PABPC4L: variants seen among roughly 807,000 people sequenced by gnomAD.
The protein encoded by PABPC4L is poly(A) binding protein cytoplasmic 4 like.
For synonymous variants in PABPC4L, 169 were observed against 164.1 expected, an observed-to-expected ratio of 1.03 and a Z score of -0.23; for missense variants, 452 against 451.4, an observed-to-expected ratio of 1.00 and a Z score of -0.01.
the PABPC4L span, among the ~76,000 whole-genome samples, chr4:134,162,467 C>T: frequency 2.6e-5 from 4 of 151,920 alleles, no homozygotes; most frequent in South Asian, 2.1e-4. Context: ...CAAGGTGGAA[C>T]GTCAACAAAG....
At chr4:134,124,372 C>G in the PABPC4L span, among the ~76,000 whole-genome samples, 1 of 152,022 alleles carries the variant, frequency 6.6e-6, no homozygotes, top group Non-Finnish European at 1.5e-5. Flanking sequence ...ACCCACCACC[C>G]TCACTTACCA....
At chr4:134,018,535 C>T in the PABPC4L span, among the ~76,000 whole-genome samples, 1 of 152,102 alleles carries the variant, frequency 6.6e-6, no homozygotes, top group African/African-American at 2.4e-5. Context: ...AAGGAGTCTC[C>T]CATGTCTGTT....
At chr4:133,989,574 A>G in the PABPC4L span, among the ~76,000 whole-genome samples, 3 of 152,150 alleles carry the variant, frequency 2.0e-5, no homozygotes, top group African/African-American at 7.2e-5. Context: ...AGAAAGTTCC[A>G]AACTGCCTCA....
the PABPC4L span, among the ~76,000 whole-genome samples, chr4:134,030,109 C>T: frequency 1.3e-5 from 2 of 151,958 alleles, no homozygotes; most frequent in Non-Finnish European, 2.9e-5. Flanking sequence ...ACTTCCTTTC[C>T]TTATAAATTC....
At chr4:134,192,938 C>CA (rs1421930712), downstream of PABPC4L, among the ~76,000 whole-genome samples, 1 of 151,834 alleles carries the variant, frequency 6.6e-6, no homozygotes, top group Admixed American at 6.6e-5. Context: ...GTGGTAGTTA[C>CA]AAAAAATACA....
chr4:134,107,646 C>T, the PABPC4L span, among the ~76,000 whole-genome samples: 1 of 151,476 alleles, frequency 6.6e-6, no homozygotes, highest in Non-Finnish European at 1.5e-5. Flanking sequence ...TATCTAACTT[C>T]TGGTATGTAG....
the PABPC4L span, among the ~76,000 whole-genome samples, chr4:134,114,001 T>C: frequency 6.6e-6 from 1 of 151,908 alleles, no homozygotes; most frequent in Non-Finnish European, 1.5e-5. Flanking sequence ...TGATAAATTT[T>C]AAATTCAGCG....
the PABPC4L span, among the ~76,000 whole-genome samples, chr4:133,976,440 G>A: frequency 6.6e-6 from 1 of 151,982 alleles, no homozygotes. Context: ...CTTTATAATA[G>A]AATGACCATA....
chr4:134,101,750 G>A, the PABPC4L span, among the ~76,000 whole-genome samples: 1 of 151,356 alleles, frequency 6.6e-6, no homozygotes, highest in Non-Finnish European at 1.5e-5. Flanking sequence ...CTACAATAGT[G>A]TTATTTATTC....
At chr4:134,087,710 C>T in the PABPC4L span, among the ~76,000 whole-genome samples, 1 of 152,136 alleles carries the variant, frequency 6.6e-6, no homozygotes, top group Non-Finnish European at 1.5e-5. Flanking sequence ...TTCTTGGTTA[C>T]CTCTACAGAG....
At chr4:133,950,413 G>A in the PABPC4L span, among the ~76,000 whole-genome samples, 1 of 152,078 alleles carries the variant, frequency 6.6e-6, no homozygotes, top group Admixed American at 6.6e-5. Context: ...CTACTGTTTT[G>A]TTTATTCTTT....
In PABPC4L at chr4:134,201,173, C is replaced by G. The variant is rs1317049242; in HGVS notation, c.-154G>C. The G allele has an allele frequency of 6.5e-7, 1 of 1,548,546 alleles. No homozygotes were observed. The highest frequency in any genetic ancestry group is 2.5e-5 in the East Asian group (1 of 40,796). On this transcript the variant is annotated 5_prime_UTR_variant, in exon 2 of 2. Coordinates refer to ENST00000421491, the MANE Select transcript of PABPC4L (RefSeq NM_001114734.2). ...CAATGGAGTTCAGACACGACTCCCC[C>G]AGCTCAGGCAACACCCTCATCCAAA...
At chr4:134,177,054 A>G in the PABPC4L span, among the ~76,000 whole-genome samples, 1 of 152,078 alleles carries the variant, frequency 6.6e-6, no homozygotes, top group East Asian at 1.9e-4. Flanking sequence ...GCTTGGTGGC[A>G]GCTTCCAGCC....
At chr4:134,190,418 T>TG in the PABPC4L span, among the ~76,000 whole-genome samples, 1 of 152,060 alleles carries the variant, frequency 6.6e-6, no homozygotes, top group Non-Finnish European at 1.5e-5. Context: ...TTGTGTGGTT[T>TG]GGGGCTTTCT....
the PABPC4L span, among the ~76,000 whole-genome samples, chr4:133,996,232 G>A: frequency 1.9e-3 from 283 of 152,182 alleles, 1 homozygote; most frequent in Middle Eastern, 6.8e-3. Context: ...TCTGTGTAGA[G>A]TGGGACCAAA....
the PABPC4L span, among the ~76,000 whole-genome samples, chr4:134,075,738 T>C: frequency 6.6e-6 from 1 of 152,136 alleles, no homozygotes; most frequent in Non-Finnish European, 1.5e-5. Flanking sequence ...TTCTTATCTA[T>C]TGATTAAACA....
chr4:134,097,789 C>T, the PABPC4L span, among the ~76,000 whole-genome samples: 2 of 151,848 alleles, frequency 1.3e-5, no homozygotes, highest in Non-Finnish European at 2.9e-5. Context: ...GTGAATACTT[C>T]TGTTTTATTT....
chr4:133,979,292 T>C, the PABPC4L span, among the ~76,000 whole-genome samples: 1 of 152,176 alleles, frequency 6.6e-6, no homozygotes, highest in Non-Finnish European at 1.5e-5. Context: ...ACAGCAGAAC[T>C]GTTTTTCTGA....
At chr4:134,179,846 C>T in the PABPC4L span, among the ~76,000 whole-genome samples, 2 of 152,008 alleles carry the variant, frequency 1.3e-5, no homozygotes, top group African/African-American at 4.8e-5. Flanking sequence ...AACTATCCTG[C>T]ACATATACAC....
Sources: allele counts gnomAD v4.1 joint callset (sites outside exome capture counted in the v4.1 genomes callset), GRCh38; gene constraint gnomAD v4.1.1; transcripts MANE v1.5; gene names NCBI Gene and HGNC (gene_info 2026-07-23, HGNC 2026-07-21).